Variants in DSCAML1 observed in about 807,000 individuals in gnomAD.
DSCAML1 encodes cell adhesion molecule DSCAML1.
Under a neutral mutation model 200.5 loss-of-function variants are expected in DSCAML1, and 38 were observed. That is an observed-to-expected ratio of 0.19 (90% CI 0.15 to 0.25). The LOEUF is 0.25. Among genes scored for constraint, DSCAML1 ranks in the 10% least tolerant of loss-of-function variants. The pLI, the probability that DSCAML1 is intolerant of heterozygous loss-of-function variation, is 1.00. For synonymous variants in DSCAML1, 1,215 were observed against 1,165.0 expected (o/e 1.04, Z -0.87); for missense variants, 2,223 against 2,858.8 (o/e 0.78, Z 5.07).
At chr11:117,809,590 GT>G (rs1425656862) in intron 1 of DSCAML1, among the ~76,000 whole-genome samples, 8 of 152,320 alleles carry the variant, frequency 5.3e-5, no homozygotes, top group African/African-American at 1.9e-4. Flanking sequence ...CTTCACCCCA[GT>G]CATGTCTCGC....
intron 3 of DSCAML1, among the ~76,000 whole-genome samples, chr11:117,679,606 T>TGGG (rs1446850701): frequency 6.6e-6 from 1 of 152,196 alleles, no homozygotes; most frequent in Non-Finnish European, 1.5e-5. Context: ...TTTCTAGCTC[T>TGGG]CCTCCTGGGG....
At chr11:117,661,706 G>A (rs1164553274) in intron 3 of DSCAML1, among the ~76,000 whole-genome samples, 1 of 152,110 alleles carries the variant, frequency 6.6e-6, no homozygotes, top group South Asian at 2.1e-4. Flanking sequence ...CCCCTTGGTG[G>A]CCTGTCCCCA....
At chr11:117,515,349 G>A (rs1306320411) in intron 8 of DSCAML1, among the ~76,000 whole-genome samples, 1 of 152,120 alleles carries the variant, frequency 6.6e-6, no homozygotes, top group Non-Finnish European at 1.5e-5. Context: ...CCTGGCCCCA[G>A]AGAAACCAGG....
Position 117,428,141 on chromosome 11 carries a change from A to G in DSCAML1, c.*187T>C. On this transcript the variant is annotated 3_prime_UTR_variant, in exon 33 of 33. Transcript: ENST00000651296. ...TTCTTTGTGCCCTGGCTTCATGGAG[A>G]AGAAGAAAATAGTTTCATTTGTACA... 1.9e-6 allele frequency: 1 copy of G among 528,102 alleles called. No individual in the cohort carries two copies. Among genetic ancestry groups the G allele is most frequent in the Non-Finnish European group, 3.3e-6 (1 of 299,540 alleles). The allele number at this position is 528,102 out of a possible 1,614,324, so 32.7% of individuals were successfully genotyped here.
chr11:117,770,445 A>C (rs746186538), intron 3 of DSCAML1, among the ~76,000 whole-genome samples: 2 of 152,102 alleles, frequency 1.3e-5, no homozygotes, highest in African/African-American at 4.8e-5. Flanking sequence ...GCAACTCGGC[A>C]TTATGGAGGT....
At chr11:117,482,214 A>G in intron 11 of DSCAML1, 52 bp from the exon 12 acceptor site, 2 of 1,602,830 alleles carry the variant, frequency 1.2e-6, no homozygotes, top group Non-Finnish European at 1.7e-6. Flanking sequence ...ACCAGCCTGG[A>G]GGAGGCACGC....
Position 117,437,063 on chromosome 11 carries a change from C to A in DSCAML1, c.4720+59G>T. 6.4e-7 allele frequency: 1 copy of A among 1,556,720 alleles called. No individual in the cohort carries two copies. Among genetic ancestry groups the A allele is most frequent in the South Asian group, 1.2e-5 (1 of 83,168 alleles). On this transcript the variant is annotated intron_variant, in intron 26 of 32. Coordinates refer to ENST00000651296, the MANE Select transcript of DSCAML1 (RefSeq NM_020693.4). This position sits in a 1 kb window ranked among gnomAD's most constrained non-coding sequence, Gnocchi z 5.3. The stretch of plus-strand genomic sequence containing the variant: ...CTTTATGTATCTGCCACTCTGCCCA[C>A]TTCCTTCGCACCACCCTGCTCCAGC...
chr11:117,717,925 A>T (rs1451023958), intron 3 of DSCAML1, among the ~76,000 whole-genome samples: 1 of 152,174 alleles, frequency 6.6e-6, no homozygotes, highest in African/African-American at 2.4e-5. Flanking sequence ...ATGAGGGGTG[A>T]GAAGAGGAGT....
At chr11:117,550,784 C>T (rs528211542) in intron 3 of DSCAML1, among the ~76,000 whole-genome samples, 3 of 152,314 alleles carry the variant, frequency 2.0e-5, no homozygotes, top group South Asian at 2.1e-4. Context: ...TCTGCACAAT[C>T]GATCACAAAA....
In DSCAML1 at chr11:117,451,071, C is replaced by T. The variant is rs986014544; in HGVS notation, c.3569-383G>A. Among the ~76,000 whole-genome samples the T allele has an allele frequency of 4.6e-5, 7 of 152,284 alleles. No individual in the cohort carries two copies. The East Asian group carries it at 7.7e-4, about 17-fold the overall frequency. ...AGCATGTATTTAGGGGGAAAATACCCGGCACCTGTCACTTTCCTTTTTGGC... is the reference window on the plus strand; with the variant it reads ...AGCATGTATTTAGGGGGAAAATACCTGGCACCTGTCACTTTCCTTTTTGGC... On this transcript the variant is annotated intron_variant, in intron 19 of 32. Transcript: ENST00000651296.
At chr11:117,643,725 G>A (rs183790836) in intron 3 of DSCAML1, among the ~76,000 whole-genome samples, 4 of 151,994 alleles carry the variant, frequency 2.6e-5, no homozygotes, top group African/African-American at 4.8e-5. Flanking sequence ...AACAATGCTC[G>A]GGTGATCACC....
intron 16 of DSCAML1, among the ~76,000 whole-genome samples, chr11:117,465,704 A>G (rs756183615): frequency 1.3e-5 from 2 of 152,146 alleles, no homozygotes; most frequent in Non-Finnish European, 2.9e-5. Flanking sequence ...CTCCGTGTCT[A>G]GAATGGTGCC....
intron 3 of DSCAML1, among the ~76,000 whole-genome samples, chr11:117,679,082 G>C (rs370023669): frequency 6.6e-6 from 1 of 152,356 alleles, no homozygotes; most frequent in East Asian, 1.9e-4. Flanking sequence ...ACTTCAGGTC[G>C]GCCTGGGCCA....
chr11:117,439,133 C>T (rs1222674688), intron 23 of DSCAML1, 133 bp downstream of exon 23: 5 of 1,392,568 alleles, frequency 3.6e-6, no homozygotes, highest in Non-Finnish European at 4.9e-6. Flanking sequence ...TCCATGTGCA[C>T]CTCTGTTTCT....
intron 3 of DSCAML1, among the ~76,000 whole-genome samples, chr11:117,540,158 G>A (rs1005513011): frequency 1.3e-5 from 2 of 152,192 alleles, no homozygotes; most frequent in African/African-American, 4.8e-5. Flanking sequence ...TAATGCAGGG[G>A]TTCCCAACCT....
chr11:117,792,856 C>T lies in DSCAML1; in HGVS notation c.46+4178G>A, dbSNP rs1469264052. Among the ~76,000 whole-genome samples the T allele has an allele frequency of 3.9e-5, 6 of 152,218 alleles. No homozygotes were observed. The South Asian group carries it at 8.3e-4, about 21-fold the overall frequency. On this transcript the variant is annotated intron_variant, in intron 1 of 32. Coordinates refer to ENST00000651296, the MANE Select transcript of DSCAML1 (RefSeq NM_020693.4). Reference sequence around the variant, plus strand: ...CTTACGGTGTCTTGGCCCATTGCTACCCATCCTACCCCAATATCCCCAGTG... The same window carrying T: ...CTTACGGTGTCTTGGCCCATTGCTATCCATCCTACCCCAATATCCCCAGTG...
chr11:117,428,870 C>A, intron 32 of DSCAML1, 67 bp from the exon 33 acceptor site: 3 of 1,420,512 alleles, frequency 2.1e-6, no homozygotes, highest in Non-Finnish European at 1.9e-6. Context: ...CGTTCAGCCC[C>A]CACCCCATCC....
chr11:117,669,000 A>C (rs636783), intron 3 of DSCAML1: 4,050 of 151,900 alleles, frequency 0.027, 72 homozygotes, highest in East Asian at 0.078. Context: ...TGGCAATTGG[A>C]TTTGTTTTCT....
chr11:117,704,753 A>C (rs1312932193), intron 3 of DSCAML1, among the ~76,000 whole-genome samples: 2 of 151,974 alleles, frequency 1.3e-5, no homozygotes, highest in African/African-American at 4.8e-5. Context: ...AGTATTAATA[A>C]CTGTTTTAAT....
Sources: allele counts gnomAD v4.1 joint callset (sites outside exome capture counted in the v4.1 genomes callset), GRCh38; gene constraint gnomAD v4.1.1; non-coding constraint Gnocchi (gnomAD v3.1); transcripts MANE v1.5; gene names NCBI Gene and HGNC (gene_info 2026-07-23, HGNC 2026-07-21).